Variants in FCSK observed in about 807,000 individuals in gnomAD.
FCSK encodes fucose kinase.
Under a neutral mutation model 122.5 loss-of-function variants are expected in FCSK, and 123 were observed. The ratio of observed to expected loss-of-function variants is 1.00; its 90% confidence interval spans 0.87 to 1.17. The LOEUF is 1.17. FCSK is among the 50% of genes most tolerant of loss of function. FCSK has a pLI of 0.00. For synonymous variants in FCSK, 620 were observed against 625.5 expected, an observed-to-expected ratio of 0.99 and a Z score of 0.13; for missense variants, 1,366 against 1,450.4, an observed-to-expected ratio of 0.94 and a Z score of 0.95.
intron 18 of FCSK, 111 bp downstream of exon 18, chr16:70,475,122 G>A: frequency 9.0e-7 from 1 of 1,117,062 alleles, no homozygotes; most frequent in Non-Finnish European, 1.3e-6. Context: ...CAGTCTGGCT[G>A]AGGAGCCTGA....
chr16:70,471,795 G>C (rs1198199211), intron 13 of FCSK, among the ~76,000 whole-genome samples: 3 of 149,326 alleles, frequency 2.0e-5, no homozygotes, highest in African/African-American at 5.1e-5. Flanking sequence ...ATGCTAGTCT[G>C]GTTGGGTGGG....
intron 1 of FCSK, among the ~76,000 whole-genome samples, chr16:70,457,622 C>G (rs1356711963): frequency 6.6e-6 from 1 of 151,778 alleles, no homozygotes; most frequent in Non-Finnish European, 1.5e-5. Context: ...CTTTGTTACC[C>G]AGGGTGGAAT....
chr16:70,471,432 C>G, intron 13 of FCSK, 80 bp downstream of exon 13: 1 of 1,396,546 alleles, frequency 7.2e-7, no homozygotes, highest in Non-Finnish European at 9.6e-7. Context: ...CACCCCACTG[C>G]GGGGTTCTCT....
At chr16:70,469,347 T>G (rs1377133491) in intron 10 of FCSK, 24 bp downstream of exon 10, 4 of 1,560,016 alleles carry the variant, frequency 2.6e-6, no homozygotes, top group Non-Finnish European at 3.5e-6. Flanking sequence ...CTCAGCTCCC[T>G]GGGGTGGGGA....
At chr16:70,466,668 G>A (rs1036847799) in intron 5 of FCSK, 6 of 579,054 alleles carry the variant, frequency 1.0e-5, no homozygotes, top group African/African-American at 7.5e-5. Flanking sequence ...CTGCACTCCA[G>A]CCTGGGTGAC....
intron 1 of FCSK, among the ~76,000 whole-genome samples, chr16:70,460,529 T>C (rs564061538): frequency 3.8e-4 from 58 of 151,830 alleles, no homozygotes; most frequent in African/African-American, 1.3e-3. Flanking sequence ...CTCAGCCTCC[T>C]GAGTAGCTGG....
Position 70,468,955 on chromosome 16 carries a change from C to T in FCSK, c.770C>T (p.Ala257Val). 6.2e-7 allele frequency: 1 copy of T among 1,613,378 alleles called. No individual in the cohort carries two copies. The highest frequency in any genetic ancestry group is 8.5e-7 in the Non-Finnish European group (1 of 1,180,008). Residue 257 changes from alanine to valine, a missense_variant, in exon 9 of 24, where the codon GCC becomes GTC. Coordinates refer to ENST00000288078, the MANE Select transcript of FCSK (RefSeq NM_145059.3). ...ACTYLGLDSG[A>V]RPVQLSLFFD... ...ACCTACCTAGGCTTGGACTCCGGAGCCCGGCCTGTCCAGGTGACTGGGGGA... is the reference window on the plus strand; with the variant it reads ...ACCTACCTAGGCTTGGACTCCGGAGTCCGGCCTGTCCAGGTGACTGGGGGA...
At position 70,474,790 on chromosome 16, in the gene FCSK, G is replaced by A. The variant is rs759592967; in HGVS notation, c.2156G>A (p.Gly719Glu). Residue 719 changes from glycine to glutamate, a missense_variant and splice_region_variant, in exon 18 of 24, where the codon GGG (glycine) becomes GAG (glutamate). Coordinates refer to ENST00000288078, the MANE Select transcript of FCSK (RefSeq NM_145059.3). ...AECPARVDFS[G>E]GWSDTPPLAY... Reference sequence around the variant, plus strand: ...CTTGAGTCTTGCCACACTGCCATAGGGGGCTGGAGTGACACGCCACCCCTT... The same window carrying A: ...CTTGAGTCTTGCCACACTGCCATAGAGGGCTGGAGTGACACGCCACCCCTT... 85 of 1,569,542 alleles carry A rather than the reference G, an allele frequency of 5.4e-5. No individual in the cohort carries two copies. The highest frequency in any genetic ancestry group is 6.6e-5 in the Non-Finnish European group (76 of 1,157,174).
Position 70,479,953 on chromosome 16 carries a change from G to A in FCSK, c.*273G>A, listed in dbSNP as rs954043338. 1 of 316,722 alleles carries A rather than the reference G, an allele frequency of 3.2e-6. No individual in the cohort carries two copies. Among genetic ancestry groups the A allele is most frequent in the Non-Finnish European group, 5.9e-6 (1 of 170,500 alleles). 19.6% of individuals were successfully genotyped at this position (316,722 alleles called of 1,614,324 possible). A position where few individuals can be genotyped will look rare whatever the true frequency, so the allele number is the denominator to read the frequency against. ...GTGGCCTTTACAAATCCTATGGCTG[G>A]CCTTCTCATTCCACAAGGGCCCTGG... is the stretch of plus-strand genomic sequence containing the variant. On this transcript the variant is annotated 3_prime_UTR_variant, in exon 24 of 24. Transcript: ENST00000288078.
At position 70,473,203 on chromosome 16, in the gene FCSK, C is replaced by A. The variant is rs1052172691; in HGVS notation, c.1627C>A (p.Leu543Met). 2 of 1,537,578 alleles carry A rather than the reference C, an allele frequency of 1.3e-6. No homozygotes were observed. The highest frequency in any genetic ancestry group is 2.7e-5 in the African/African-American group (2 of 72,996). ...LQPCLDRAATLASRRDLFFRQ... is the reference protein window; with the variant it reads ...LQPCLDRAATMASRRDLFFRQ... ...GCCGTGCCTGGATCGGGCTGCCACG[C>A]TGGCCTCTCGCCGGGACCTGTTCTT... The change falls in exon 15 of 24, where the codon CTG becomes ATG. Residue 543 changes from leucine (L) to methionine (M), a missense_variant. By Grantham distance (15) the Leu-to-Met change is conservative (BLOSUM62 2). Coordinates refer to ENST00000288078, the MANE Select transcript of FCSK (RefSeq NM_145059.3). This position sits in a 1 kb window ranked among gnomAD's most constrained non-coding sequence, Gnocchi z 4.9.
At chr16:70,470,918 G>T (rs1270254135) in intron 11 of FCSK, 53 bp from the exon 12 acceptor site, 6 of 1,474,952 alleles carry the variant, frequency 4.1e-6, no homozygotes, top group Non-Finnish European at 5.5e-6. Context: ...GAGGAGAGCT[G>T]GGGCAGCCCT....
At chr16:70,474,004 T>G in intron 15 of FCSK, 125 bp from the exon 16 acceptor site, 2 of 831,926 alleles carry the variant, frequency 2.4e-6, no homozygotes, top group Non-Finnish European at 3.8e-6. Context: ...CAAAGATACA[T>G]TGTGGGCAAA....
rs149553279 is a variant in FCSK at position 70,469,275 on chromosome 16, G to T, written c.907G>T (p.Ala303Ser). Reference protein sequence around the residue: ...DADVAGYLQSARAQLWRELRD... With the variant: ...DADVAGYLQSSRAQLWRELRD... The stretch of plus-strand genomic sequence containing the variant: ...AGATGTAGCGGGTTATCTGCAGAGC[G>T]CCCGGGCCCAGCTGTGGAGGGAGCT... The change falls in exon 10 of 24, where the codon GCC becomes TCC. Residue 303 changes from alanine to serine, a missense_variant. Physicochemically the swap from Ala to Ser is moderately conservative, Grantham distance 99 (BLOSUM62 1). Transcript: ENST00000288078. The T allele has an allele frequency of 2.3e-5, 37 of 1,612,534 alleles. No individual in the cohort carries two copies. In the East Asian group the frequency reaches 7.6e-4, roughly 33 times the overall value.
rs1182606416 is a variant in FCSK at position 70,473,274 on chromosome 16, G to C, written c.1698G>C (p.Gln566His). Residue 566 changes from glutamine (Q) to histidine (H), a missense_variant, in exon 15 of 24, where the codon CAG becomes CAC. Physicochemically the swap from Gln to His is conservative, Grantham distance 24. Coordinates refer to ENST00000288078, the MANE Select transcript of FCSK (RefSeq NM_145059.3). The surrounding 1 kb of genome is among the most constrained non-coding windows in gnomAD (Gnocchi z 4.9). ...HKARHVLEAR[Q>H]DLSLRPLIWA... is the part of the protein sequence containing the mutation. ...CGCGGCACGTGCTGGAGGCCCGGCA[G>C]GACCTCAGCCTGCGCCCGCTGATCT... The C allele has an allele frequency of 6.5e-7, 1 of 1,530,778 alleles. No homozygotes were observed. The highest frequency in any genetic ancestry group is 2.5e-5 in the East Asian group (1 of 40,658). The allele number at this position is 1,530,778 out of a possible 1,614,324, so 94.8% of individuals were successfully genotyped here.
chr16:70,458,244 C>T (rs1221620306), intron 1 of FCSK, among the ~76,000 whole-genome samples: 1 of 151,286 alleles, frequency 6.6e-6, no homozygotes, highest in Non-Finnish European at 1.5e-5. Flanking sequence ...ACTGCAACCA[C>T]CGCTTCCCAG....
Position 70,471,032 on chromosome 16 carries a change from A to G in FCSK, c.1130A>G (p.Gln377Arg), listed in dbSNP as rs1364726851. 1.3e-5 allele frequency: 21 copies of G among 1,603,382 alleles called. No homozygotes were observed. Among genetic ancestry groups the G allele is most frequent in the Non-Finnish European group, 1.7e-5 (20 of 1,177,086 alleles). ...VVSCLLEGPV[Q>R]LGPGSVLQHC... ...AGCTGCCTGCTGGAGGGCCCTGTCC[A>G]GCTGGGTCCTGGGAGCGTCCTGCAG... The change falls in exon 12 of 24, where the codon CAG (glutamine) becomes CGG (arginine). Residue 377 changes from glutamine to arginine, a missense_variant. Transcript: ENST00000288078.
chr16:70,457,400 G>A (rs564683516), intron 1 of FCSK, among the ~76,000 whole-genome samples: 23 of 151,054 alleles, frequency 1.5e-4, no homozygotes, highest in Non-Finnish European at 2.5e-4. Flanking sequence ...GACTACAAGC[G>A]CGCATCACTA....
intron 11 of FCSK, 113 bp from the exon 12 acceptor site, chr16:70,470,858 G>T (rs2048589502): frequency 2.3e-6 from 2 of 887,086 alleles, no homozygotes; most frequent in Non-Finnish European, 3.4e-6. Flanking sequence ...GGTGCTGCAG[G>T]GCAGGGGAGC....
chr16:70,455,720 C>T (rs1354750617), intron 1 of FCSK, among the ~76,000 whole-genome samples: 1 of 151,794 alleles, frequency 6.6e-6, no homozygotes, highest in Admixed American at 6.6e-5. Flanking sequence ...GGCAAAACCC[C>T]CTCTCTACTA....
Sources: allele counts gnomAD v4.1 joint callset (sites outside exome capture counted in the v4.1 genomes callset), GRCh38; gene constraint gnomAD v4.1.1; non-coding constraint Gnocchi (gnomAD v3.1); transcripts MANE v1.5; gene names NCBI Gene and HGNC (gene_info 2026-07-23, HGNC 2026-07-21).